Variants in ETV1 observed in about 807,000 individuals in gnomAD.
ETV1 encodes the protein ETS variant transcription factor 1, also known as ETS translocation variant 1.
Under a neutral mutation model 62.3 loss-of-function variants are expected in ETV1, and 27 were observed. That is an observed-to-expected ratio of 0.43 (90% CI 0.32 to 0.60). The LOEUF is 0.60. Among genes scored for constraint, ETV1 ranks in the 20% least tolerant of loss-of-function variants. The pLI is 0.06. For missense variants in ETV1, 605 were observed against 605.8 expected (o/e 1.00, Z 0.01); for synonymous variants, 222 against 199.6 (o/e 1.11, Z -0.94).
In ETV1 at chr7:13,895,574, T is replaced by G; in HGVS notation, c.*292A>C. ...ATAGTTTCATCATACTCAAAACTTGTAGGACCCCATCCCAAGCCTAAGTAA... is the reference window on the plus strand; with the variant it reads ...ATAGTTTCATCATACTCAAAACTTGGAGGACCCCATCCCAAGCCTAAGTAA... On this transcript the variant is annotated 3_prime_UTR_variant, in exon 14 of 14. Coordinates refer to ENST00000430479, the MANE Select transcript of ETV1 (RefSeq NM_004956.5). 1 of 380,926 alleles carries G rather than the reference T, an allele frequency of 2.6e-6. No homozygotes were observed. The highest frequency in any genetic ancestry group is 6.5e-5 in the South Asian group (1 of 15,416). The allele number at this position is 380,926 out of a possible 1,614,324, so 23.6% of individuals were successfully genotyped here.
chr7:13,949,787 G>A lies in ETV1; in HGVS notation c.236-10541C>T, dbSNP rs145546184. The stretch of plus-strand genomic sequence containing the variant: ...CATTTAAGGACAGGGACCCTGATTC[G>A]AGTTTTCATGATTTTCCATTATTTG... On this transcript the variant is annotated intron_variant, in intron 6 of 13. Coordinates refer to ENST00000430479, the MANE Select transcript of ETV1 (RefSeq NM_004956.5). Among the ~76,000 whole-genome samples, 955 of 152,220 alleles carry A rather than the reference G, an allele frequency of 6.3e-3. 8 individuals are homozygous for A. Among genetic ancestry groups the A allele is most frequent in the Non-Finnish European group, 8.3e-3 (564 of 68,020 alleles).
Position 13,955,269 on chromosome 7 carries a change from T to C in ETV1, c.236-16023A>G, listed in dbSNP as rs558278453. Among the ~76,000 whole-genome samples the C allele has an allele frequency of 2.0e-5, 3 of 152,312 alleles. No individual in the cohort carries two copies. In the South Asian group the frequency reaches 6.2e-4, roughly 32 times the overall value. On this transcript the variant is annotated intron_variant, in intron 6 of 13. Transcript: ENST00000430479. ...CTTACAGAAAAGCTTCTACCGAAAG[T>C]ATTTCACCCAACTTGAAAATTTTTC...
upstream of ETV1, chr7:13,989,995 T>A (rs1312471906): frequency 6.1e-6 from 1 of 165,088 alleles, no homozygotes; most frequent in East Asian, 1.7e-4. Flanking sequence ...GGGTGTTAGG[T>A]CCACTATTGG....
At chr7:13,976,825 G>C (rs1781495337) in intron 6 of ETV1, among the ~76,000 whole-genome samples, 1 of 152,166 alleles carries the variant, frequency 6.6e-6, no homozygotes, top group Non-Finnish European at 1.5e-5. Context: ...CCAGGAGCAA[G>C]GCTTAGGGAA....
At chr7:13,920,415 A>C (rs184097427) in intron 9 of ETV1, among the ~76,000 whole-genome samples, 153 of 151,176 alleles carry the variant, frequency 1.0e-3, no homozygotes, top group African/African-American at 3.3e-3. Context: ...GCTCTGTATA[A>C]ATGGACATTC....
At chr7:13,911,430 C>T in intron 9 of ETV1, 123 bp from the exon 10 acceptor site, 1 of 646,326 alleles carries the variant, frequency 1.5e-6, no homozygotes, top group Non-Finnish European at 2.8e-6. Context: ...GGGAACATGT[C>T]AACATATAAT....
chr7:13,990,338 G>T (rs1782939073), upstream of ETV1: 2 of 152,270 alleles, frequency 1.3e-5, no homozygotes, highest in African/African-American at 4.8e-5. Flanking sequence ...CAGAATTGCT[G>T]ATTAGCAGAG....
intron 9 of ETV1, among the ~76,000 whole-genome samples, chr7:13,915,833 G>A (rs1784096042): frequency 6.6e-6 from 1 of 151,970 alleles, no homozygotes; most frequent in Non-Finnish European, 1.5e-5. Context: ...TCCAAAATAA[G>A]GACATATATA....
chr7:13,923,533 C>A (rs1042552174), intron 9 of ETV1, among the ~76,000 whole-genome samples: 1 of 152,098 alleles, frequency 6.6e-6, no homozygotes, highest in Non-Finnish European at 1.5e-5. Context: ...CCAGTTTTAA[C>A]GTATTTAACA....
intron 6 of ETV1, among the ~76,000 whole-genome samples, chr7:13,958,361 C>T (rs568346158): frequency 4.6e-4 from 70 of 152,214 alleles, no homozygotes; most frequent in African/African-American, 1.6e-3. Flanking sequence ...ACTTCATTCC[C>T]ATTGCTATCC....
chr7:13,931,681 C>T lies in ETV1; in HGVS notation c.623G>A (p.Arg208His), dbSNP rs959752124. Reference protein sequence around the residue: ...PPLPTMPREGRPMYQRQMSEP... With the variant: ...PPLPTMPREGHPMYQRQMSEP... The stretch of plus-strand genomic sequence containing the variant: ...AGACATCTGGCGTTGGTACATAGGA[C>T]GTCCTTCCCTTGGCATCGTCGGCAA... Residue 208 changes from arginine to histidine, a missense_variant, in exon 9 of 14, where the codon CGT (arginine) becomes CAT (histidine). Coordinates refer to ENST00000430479, the MANE Select transcript of ETV1 (RefSeq NM_004956.5). 5 of 1,612,708 alleles carry T rather than the reference C, an allele frequency of 3.1e-6. No individual in the cohort carries two copies. Among genetic ancestry groups the T allele is most frequent in the South Asian group, 1.1e-5 (1 of 90,874 alleles).
chr7:13,981,363 A>G (rs1303625940), intron 5 of ETV1, among the ~76,000 whole-genome samples: 1 of 152,106 alleles, frequency 6.6e-6, no homozygotes, highest in Admixed American at 6.6e-5. Context: ...CCCAACCACA[A>G]TCTTTTCATG....
chr7:13,924,689 T>G (rs1583649732), intron 9 of ETV1, among the ~76,000 whole-genome samples: 1 of 152,316 alleles, frequency 6.6e-6, no homozygotes, highest in East Asian at 1.9e-4. Flanking sequence ...TCATGAACTC[T>G]TCACTAAACT....
chr7:13,985,060 GAGATTTAAACATCTA>G (rs1297715638), intron 5 of ETV1, among the ~76,000 whole-genome samples: 1 of 151,990 alleles, frequency 6.6e-6, no homozygotes. Flanking sequence ...TGGAATCAAT[GAGATTTAAACATCTA>G]AGAACCAACA....
At chr7:13,963,948 C>T (rs142402083) in intron 6 of ETV1, among the ~76,000 whole-genome samples, 1 of 152,212 alleles carries the variant, frequency 6.6e-6, no homozygotes, top group African/African-American at 2.4e-5. Context: ...GAAAATAGAG[C>T]TTTCACAAAG....
At chr7:13,913,878 C>CT (rs544899107) in intron 9 of ETV1, among the ~76,000 whole-genome samples, 6,745 of 87,954 alleles carry the variant, frequency 0.077, 710 homozygotes, top group African/African-American at 0.19. Context: ...GGGGGTACCT[C>CT]TTTTTTTTTT....
intron 12 of ETV1, among the ~76,000 whole-genome samples, chr7:13,903,758 AT>A (rs1282385183): frequency 9.7e-6 from 1 of 102,796 alleles, no homozygotes; most frequent in Non-Finnish European, 1.8e-5. Context: ...GTGAGATTCC[AT>A]CTCAAAAAAA....
At chr7:13,915,567 G>A (rs1380228456) in intron 9 of ETV1, among the ~76,000 whole-genome samples, 1 of 152,034 alleles carries the variant, frequency 6.6e-6, no homozygotes, top group Non-Finnish European at 1.5e-5. Context: ...CATAGTTTAT[G>A]TTTAAAATCC....
At chr7:13,949,209 A>G (rs1353198707) in intron 6 of ETV1, among the ~76,000 whole-genome samples, 1 of 152,204 alleles carries the variant, frequency 6.6e-6, no homozygotes, top group Non-Finnish European at 1.5e-5. Context: ...AGTAAATGGT[A>G]TACATAAATT....
Sources: gnomAD v4.1 joint callset for allele counts (sites outside exome capture counted in the v4.1 genomes callset) on GRCh38, gnomAD v4.1.1 for gene constraint, MANE v1.5 for transcripts, NCBI Gene and HGNC (gene_info 2026-07-23, HGNC 2026-07-21) for gene names.